GOLGB1: variants seen among roughly 807,000 people sequenced by gnomAD.
GOLGB1 encodes the protein golgin B1, also known as golgin subfamily B member 1.
GOLGB1 carries 174 observed loss-of-function variants against 336.9 expected under a neutral mutation model. The observed-to-expected ratio is 0.52, with a 90% confidence interval of 0.46 to 0.59. The LOEUF (loss-of-function observed/expected upper bound fraction) is 0.59. Among genes scored for constraint, GOLGB1 ranks in the 20% least tolerant of loss-of-function variants. GOLGB1 has a pLI of 0.00. For missense variants in GOLGB1, 3,331 were observed against 3,645.3 expected (o/e 0.91, Z 2.22); for synonymous variants, 1,208 against 1,289.2 (o/e 0.94, Z 1.35).
intron 14 of GOLGB1, among the ~76,000 whole-genome samples, chr3:121,689,672 A>G (rs1560207146): frequency 6.6e-6 from 1 of 151,628 alleles, no homozygotes; most frequent in Non-Finnish European, 1.5e-5. Context: ...AAAAATTAGA[A>G]TTTTCAGATT....
At chr3:121,700,178 G>A (rs571045827) in intron 11 of GOLGB1, among the ~76,000 whole-genome samples, 10 of 152,084 alleles carry the variant, frequency 6.6e-5, no homozygotes, top group Non-Finnish European at 1.3e-4. Context: ...TATTTCTGTG[G>A]CATAATCTGG....
intron 1 of GOLGB1, chr3:121,748,811 C>T (rs1947553418): frequency 1.0e-6 from 1 of 983,948 alleles, no homozygotes; most frequent in African/African-American, 1.7e-5. Flanking sequence ...CCCTGTCCCA[C>T]TCTCAAACTG....
chr3:121,685,285 C>CCAA (rs1284014636), intron 14 of GOLGB1, among the ~76,000 whole-genome samples: 1 of 152,040 alleles, frequency 6.6e-6, no homozygotes, highest in South Asian at 2.1e-4. Flanking sequence ...GCCTGTAATC[C>CCAA]CAACACTTTG....
At position 121,690,584 on chromosome 3, in the gene GOLGB1, T is replaced by C. The variant is rs1048682103; in HGVS notation, c.8694+86A>G. 14 of 643,272 alleles carry C rather than the reference T, an allele frequency of 2.2e-5. No homozygotes were observed. The Admixed American group carries it at 4.4e-4, about 20-fold the overall frequency. 39.8% of individuals were successfully genotyped at this position (643,272 alleles called of 1,614,324 possible). A position where few individuals can be genotyped will look rare whatever the true frequency, so the allele number is the denominator to read the frequency against. On this transcript the variant is annotated intron_variant, in intron 14 of 21. Coordinates refer to ENST00000614479, the MANE Select transcript of GOLGB1 (RefSeq NM_001366282.2). ...CGTTCCCAGATAATATGTATAAGAA[T>C]GTGTTTATCCTTTTCTATAAAAATA...
chr3:121,698,830 A>G lies in GOLGB1; in HGVS notation c.1693T>C (p.Ser565Pro). The G allele has an allele frequency of 6.2e-7, 1 of 1,612,520 alleles. No homozygotes were observed. Among genetic ancestry groups the G allele is most frequent in the Non-Finnish European group, 8.5e-7 (1 of 1,178,874 alleles). The stretch of plus-strand genomic sequence containing the variant: ...TCTTTCATTTCCAACAATAAAACTG[A>G]TAATTCTTTATGTTTCTGAGAAAAT... The part of the protein sequence containing the change: ...NTFSQKHKEL[S>P]VLLLEMKEAQ... Residue 565 changes from serine to proline, a missense_variant, in exon 13 of 22, where the codon TCA becomes CCA. Physicochemically the swap from Ser to Pro is moderately conservative, Grantham distance 74. Coordinates refer to ENST00000614479, the MANE Select transcript of GOLGB1 (RefSeq NM_001366282.2).
chr3:121,722,116 T>C (rs560290202), intron 6 of GOLGB1, 146 bp downstream of exon 6: 3 of 586,302 alleles, frequency 5.1e-6, no homozygotes, highest in Non-Finnish European at 6.2e-6. Context: ...TCTCTTCTAC[T>C]ACATATCCTT....
chr3:121,689,412 C>T (rs868177014), intron 14 of GOLGB1, among the ~76,000 whole-genome samples: 12 of 151,690 alleles, frequency 7.9e-5, no homozygotes, highest in South Asian at 4.2e-4. Flanking sequence ...GGATTAAGGG[C>T]GGTGCAAGAT....
At position 121,694,614 on chromosome 3, in the gene GOLGB1, A is replaced by G; in HGVS notation, c.5909T>C (p.Val1970Ala). Residue 1970 changes from valine (V) to alanine (A), a missense_variant, in exon 13 of 22, where the codon GTG (valine) becomes GCG (alanine). Coordinates refer to ENST00000614479, the MANE Select transcript of GOLGB1 (RefSeq NM_001366282.2). ...CTGCTTTTCTTCTTCCAATTCACTC[A>G]CACACTTTTTAAGGTTCTTCATTTC... ...ESEMKNLKKC[V>A]SELEEEKQQL... 6.2e-7 allele frequency: 1 copy of G among 1,612,012 alleles called. No individual in the cohort carries two copies. Among genetic ancestry groups the G allele is most frequent in the Non-Finnish European group, 8.5e-7 (1 of 1,179,926 alleles).
At position 121,730,876 on chromosome 3, in the gene GOLGB1, A is replaced by AGG. The variant is rs1946053777; in HGVS notation, c.94_95dup (p.Glu33LeufsTer33). On this transcript the variant is annotated frameshift_variant and splice_region_variant, in exon 2 of 22. Transcript: ENST00000614479. LOFTEE classifies it high-confidence loss of function. ...TTTAAATCAGAACAGAACTACTCAC[A>AGG]GGGTCTAGGGGAGCCCTCATATTCT... The AGG allele has an allele frequency of 1.2e-6, 2 of 1,608,126 alleles. No individual in the cohort carries two copies. The highest frequency in any genetic ancestry group is 2.7e-5 in the African/African-American group (2 of 74,508).
In GOLGB1 at chr3:121,677,444, C is replaced by A. The variant is rs1342772144; in HGVS notation, c.8880G>T (p.Glu2960Asp). ...WQHELHQLRM[E>D]KSSWEIHERR... is the part of the protein sequence containing the mutation. ...TCTCATGTATTTCCCAGGAACTCTTCTCCATCCTAGAAAAAACATGACACA... is the reference window on the plus strand; with the variant it reads ...TCTCATGTATTTCCCAGGAACTCTTATCCATCCTAGAAAAAACATGACACA... The change falls in exon 16 of 22, where the codon GAG becomes GAT. Residue 2960 changes from glutamate to aspartate, a missense_variant. By Grantham distance (45) the Glu-to-Asp change is conservative. Transcript: ENST00000614479. 1.2e-6 allele frequency: 2 copies of A among 1,605,310 alleles called. No homozygotes were observed. The highest frequency in any genetic ancestry group is 2.2e-5 in the East Asian group (1 of 44,822).
chr3:121,689,014 T>TG (rs1242672798), intron 14 of GOLGB1, among the ~76,000 whole-genome samples: 19 of 145,860 alleles, frequency 1.3e-4, no homozygotes, highest in East Asian at 1.0e-3. Flanking sequence ...GGGAGGGAGG[T>TG]GGGGGGGTCA....
chr3:121,729,257 T>A lies in GOLGB1; in HGVS notation c.333A>T (p.Ile111=), dbSNP rs1945898439. Residue 111 remains isoleucine (I), a synonymous_variant, in exon 4 of 22, where the codon ATA becomes ATT. Transcript: ENST00000614479. ...KAKLTSLNKY[I]EEMKAQGGTV... The stretch of plus-strand genomic sequence containing the variant: ...TCCCTCCTTGTGCTTTCATTTCTTC[T>A]ATGTATTTATTCAAAGAAGTTAATT... The A allele has an allele frequency of 6.2e-7, 1 of 1,612,742 alleles. No individual in the cohort carries two copies. Among genetic ancestry groups the A allele is most frequent in the Non-Finnish European group, 8.5e-7 (1 of 1,178,930 alleles).
At chr3:121,680,778 T>C (rs1050249641) in intron 15 of GOLGB1, among the ~76,000 whole-genome samples, 5 of 152,084 alleles carry the variant, frequency 3.3e-5, no homozygotes, top group South Asian at 2.1e-4. Context: ...CTATAATATA[T>C]AAAGAACGCT....
chr3:121,709,304 T>A (rs906010348), intron 10 of GOLGB1, among the ~76,000 whole-genome samples: 2 of 152,128 alleles, frequency 1.3e-5, no homozygotes, highest in Non-Finnish European at 2.9e-5. Context: ...AAGACAAAGA[T>A]AACGTGAACA....
intron 17 of GOLGB1, among the ~76,000 whole-genome samples, chr3:121,673,561 A>G (rs1054195028): frequency 1.3e-5 from 2 of 152,282 alleles, no homozygotes; most frequent in Admixed American, 6.5e-5. Flanking sequence ...CATGAGCACG[A>G]AATATCTTTC....
intron 1 of GOLGB1, among the ~76,000 whole-genome samples, chr3:121,737,856 T>A (rs565321435): frequency 2.6e-5 from 4 of 152,154 alleles, no homozygotes; most frequent in South Asian, 4.1e-4. Flanking sequence ...GCACATCACT[T>A]GGAAAAGATA....
chr3:121,726,538 C>T (rs1237656058), intron 5 of GOLGB1, among the ~76,000 whole-genome samples: 1 of 143,310 alleles, frequency 7.0e-6, no homozygotes, highest in Non-Finnish European at 1.5e-5. Flanking sequence ...GGTGACTGAA[C>T]TCATGAAAAA....
Position 121,694,386 on chromosome 3 carries a change from G to A in GOLGB1, c.6137C>T (p.Thr2046Ile), listed in dbSNP as rs771935330. ...YQEKISALER[T>I]VKALEFVQTE... ...TTGAACAAATTCTAGAGCTTTAACA[G>A]TTCTCTCCAGAGCACTAATTTTCTC... Residue 2046 changes from threonine (T) to isoleucine (I), a missense_variant, in exon 13 of 22, where the codon ACT (threonine) becomes ATT (isoleucine). Transcript: ENST00000614479. 3.1e-6 allele frequency: 5 copies of A among 1,612,946 alleles called. No homozygotes were observed. The highest frequency in any genetic ancestry group is 2.5e-6 in the Non-Finnish European group (3 of 1,179,442).
At position 121,697,896 on chromosome 3, in the gene GOLGB1, T is replaced by C; in HGVS notation, c.2627A>G (p.Lys876Arg). The change falls in exon 13 of 22, where the codon AAG becomes AGG. Residue 876 changes from lysine (K) to arginine (R), a missense_variant. Transcript: ENST00000614479. ...VEELSQALSQ[K>R]ELEITKMDQL... The stretch of plus-strand genomic sequence containing the variant: ...ATCCATTTTTGTTATTTCAAGTTCC[T>C]TCTGTGAAAGAGCCTGGGACAGTTC... The C allele has an allele frequency of 6.2e-7, 1 of 1,614,078 alleles. No individual in the cohort carries two copies. The highest frequency in any genetic ancestry group is 8.5e-7 in the Non-Finnish European group (1 of 1,179,934).
Sources: allele counts gnomAD v4.1 joint callset (sites outside exome capture counted in the v4.1 genomes callset), GRCh38; gene constraint gnomAD v4.1.1; transcripts MANE v1.5; gene names NCBI Gene and HGNC (gene_info 2026-07-23, HGNC 2026-07-21).